Variants in A2ML1 observed in about 807,000 individuals in gnomAD.
A2ML1 encodes alpha-2-macroglobulin-like protein 1.
In A2ML1, 161 loss-of-function variants were observed where a neutral mutation model predicts 181.9. The observed-to-expected ratio is 0.89, with a 90% CI of 0.78 to 1.01. A2ML1 has a LOEUF of 1.01. Among genes scored for constraint, A2ML1 ranks in the 50% least tolerant of loss-of-function variants. The pLI, the probability that A2ML1 is intolerant of heterozygous loss-of-function variation, is 0.00. For missense variants in A2ML1, 1,670 were observed against 1,768.1 expected, an observed-to-expected ratio of 0.94 and a Z score of 1.00; for synonymous variants, 663 against 666.8, an observed-to-expected ratio of 0.99 and a Z score of 0.09.
chr12:8,881,340 G>A (rs1347431086), downstream of A2ML1, among the ~76,000 whole-genome samples: 1 of 152,214 alleles, frequency 6.6e-6, no homozygotes, highest in Non-Finnish European at 1.5e-5. Flanking sequence ...ACAAGACCAA[G>A]GAAGTGAGAT....
intron 26 of A2ML1, chr12:8,858,386 C>T (rs2136919813): frequency 7.3e-6 from 2 of 272,518 alleles, no homozygotes; most frequent in Admixed American, 9.3e-5. Flanking sequence ...AGTTTGAGAC[C>T]ACCCTGGGCA....
chr12:8,850,168 GGTCATCCAGAGGCTTTTGA>G lies in A2ML1; in HGVS notation c.2135_2153del (p.Pro712GlnfsTer49). ...ATTCTCAATTTCATCAGCAGGCGGT[GGTCATCCAGAGGCTTTTGA>G]GTCATCAACTCCTTTACATCAAGCA... On this transcript the variant is annotated frameshift_variant, in exon 18 of 36. Coordinates refer to ENST00000299698, the MANE Select transcript of A2ML1 (RefSeq NM_144670.6). LOFTEE classifies it high-confidence loss of function. 6.2e-7 allele frequency: 1 copy of G among 1,604,418 alleles called. No individual in the cohort carries two copies.
Position 8,822,990 on chromosome 12 carries a change from T to C in A2ML1, c.63-192T>C, listed in dbSNP as rs150275543. Among the ~76,000 whole-genome samples, 21 of 152,310 alleles carry C rather than the reference T, an allele frequency of 1.4e-4. No homozygotes were observed. In the East Asian group the frequency reaches 3.1e-3, roughly 22 times the overall value. On this transcript the variant is annotated intron_variant, in intron 1 of 35. Coordinates refer to ENST00000299698, the MANE Select transcript of A2ML1 (RefSeq NM_144670.6). ...TAGGCATGTGTGCTCGGTGAGGGCC[T>C]CCTGATGGCGGAAGTTGAAGACTGT...
intron 3 of A2ML1, 120 bp downstream of exon 3, chr12:8,824,002 A>G (rs914415832): frequency 1.7e-6 from 2 of 1,167,706 alleles, no homozygotes; most frequent in Non-Finnish European, 2.3e-6. Flanking sequence ...GAGGAGAGGA[A>G]AATCTGGGGG....
At chr12:8,834,816 C>T (rs1217164702) in intron 5 of A2ML1, 134 bp downstream of exon 5, 5 of 1,004,030 alleles carry the variant, frequency 5.0e-6, no homozygotes, top group African/African-American at 3.3e-5. Context: ...GCACCGAGCG[C>T]CCACATCCAC....
chr12:8,823,906 C>T (rs375095251), intron 3 of A2ML1, 24 bp downstream of exon 3: 45 of 1,594,486 alleles, frequency 2.8e-5, no homozygotes, highest in African/African-American at 1.7e-4. Context: ...ATTTGGGGTT[C>T]GACTAAAACC....
At chr12:8,885,994 A>G (rs943272347) in intron 7 of A2ML1, among the ~76,000 whole-genome samples, 2 of 141,426 alleles carry the variant, frequency 1.4e-5, no homozygotes, top group African/African-American at 5.4e-5. Flanking sequence ...TACTTCGCCT[A>G]TCCTTCAACA....
intron 26 of A2ML1, among the ~76,000 whole-genome samples, chr12:8,859,294 A>T (rs1592145092): frequency 1.4e-5 from 2 of 140,848 alleles, no homozygotes; most frequent in South Asian, 4.2e-4. Context: ...CTTGAGTGTT[A>T]AAAAAAAAAT....
At chr12:8,829,884 C>A in intron 4 of A2ML1, 105 bp downstream of exon 4, 1 of 1,436,720 alleles carries the variant, frequency 7.0e-7, no homozygotes, top group Non-Finnish European at 9.7e-7. Context: ...AAGGCGAGGC[C>A]CTCTGGGTTG....
chr12:8,835,522 A>C lies in A2ML1; in HGVS notation c.499A>C (p.Arg167=), dbSNP rs1172160959. The change falls in exon 6 of 36, where the codon AGG becomes CGG. Residue 167 remains arginine (R), a synonymous_variant. Coordinates refer to ENST00000299698, the MANE Select transcript of A2ML1 (RefSeq NM_144670.6). ...TATTGGACAGGATCCAAATAGCAACAGGATTGCACAGTGGCTGGAAGTGGT... is the reference window on the plus strand; with the variant it reads ...TATTGGACAGGATCCAAATAGCAACCGGATTGCACAGTGGCTGGAAGTGGT... ...MVELQDPNSN[R]IAQWLEVVPE... 1 of 1,614,006 alleles carries C rather than the reference A, an allele frequency of 6.2e-7. No individual in the cohort carries two copies. Among genetic ancestry groups the C allele is most frequent in the Admixed American group, 1.7e-5 (1 of 59,994 alleles).
Position 8,857,253 on chromosome 12 carries a change from C to G in A2ML1, c.2938C>G (p.Pro980Ala). ...CGEQNMVLFA[P>A]IIYVLQYLEK... The stretch of plus-strand genomic sequence containing the variant: ...CGAGCAGAACATGGTCTTGTTTGCT[C>G]CCATCATCTATGTCTTGCAGTACCT... The change falls in exon 24 of 36, where the codon CCC becomes GCC. Residue 980 changes from proline (P) to alanine (A), a missense_variant. Coordinates refer to ENST00000299698, the MANE Select transcript of A2ML1 (RefSeq NM_144670.6). 6.2e-7 allele frequency: 1 copy of G among 1,613,532 alleles called. No homozygotes were observed. Among genetic ancestry groups the G allele is most frequent in the Non-Finnish European group, 8.5e-7 (1 of 1,179,992 alleles).
At position 8,867,884 on chromosome 12, in the gene A2ML1, A is replaced by G; in HGVS notation, c.3760A>G (p.Thr1254Ala). ...CCAAGCTCTTGCCAAATATGCCACT[A>G]CCGCCTACATGCCATCTGAGGAGAT... ...ALQALAKYAT[T>A]AYMPSEEINL... The change falls in exon 30 of 36, where the codon ACC becomes GCC. Residue 1254 changes from threonine (T) to alanine (A), a missense_variant. By Grantham distance (58) the Thr-to-Ala change is moderately conservative. Transcript: ENST00000299698. 1 of 1,614,202 alleles carries G rather than the reference A, an allele frequency of 6.2e-7. No individual in the cohort carries two copies. Among genetic ancestry groups the G allele is most frequent in the East Asian group, 2.2e-5 (1 of 44,884 alleles).
rs1944040486 is a variant in A2ML1, at chr12:8,855,668, A to G, written c.2848+76A>G. 6 of 1,361,046 alleles carry G rather than the reference A, an allele frequency of 4.4e-6. No individual in the cohort carries two copies. The African/African-American group carries it at 7.2e-5, about 16-fold the overall frequency. 84.3% of individuals were successfully genotyped at this position (1,361,046 alleles called of 1,614,324 possible). On this transcript the variant is annotated intron_variant, in intron 23 of 35. Transcript: ENST00000299698. The stretch of plus-strand genomic sequence containing the variant: ...GCAAAGGTGTGGAGTGGGGCGGGAC[A>G]TACGGACCTATCCGGAGAGTGTAAC...
chr12:8,866,204 C>A (rs71447540), intron 29 of A2ML1, among the ~76,000 whole-genome samples: 34,041 of 146,636 alleles, frequency 0.23, 4,198 homozygotes, highest in Middle Eastern at 0.36. Flanking sequence ...ACTCGGGAGG[C>A]TGAGGCAGGA....
In A2ML1 at chr12:8,861,276, G is replaced by A; in HGVS notation, c.3481G>A (p.Asp1161Asn). 6.2e-7 allele frequency: 1 copy of A among 1,614,036 alleles called. No homozygotes were observed. Among genetic ancestry groups the A allele is most frequent in the Middle Eastern group, 1.7e-4 (1 of 6,056 alleles). Reference sequence around the variant, plus strand: ...CAGAAACATTCTCCTTAAACAGTTAGATCAACAGGCTATCATCTCAGGTAT... The same window carrying A: ...CAGAAACATTCTCCTTAAACAGTTAAATCAACAGGCTATCATCTCAGGTAT... ...DIRNILLKQL[D>N]QQAIISGESI... Residue 1161 changes from aspartate to asparagine, a missense_variant, in exon 28 of 36, where the codon GAT becomes AAT. Physicochemically the swap from Asp to Asn is conservative, Grantham distance 23. Transcript: ENST00000299698.
chr12:8,838,238 A>G (rs990511406), intron 8 of A2ML1, 98 bp from the exon 9 acceptor site: 5 of 757,830 alleles, frequency 6.6e-6, no homozygotes, highest in Non-Finnish European at 1.1e-5. Context: ...TGAAGTGTGG[A>G]GATGAGAAAT....
chr12:8,836,870 T>C (rs1943297927), intron 7 of A2ML1, among the ~76,000 whole-genome samples: 1 of 152,142 alleles, frequency 6.6e-6, no homozygotes, highest in African/African-American at 2.4e-5. Context: ...CAAGACACAA[T>C]ATTGAATCCC....
chr12:8,874,368 A>T lies in A2ML1; in HGVS notation c.4222-57A>T, dbSNP rs977369753. 7.4e-6 allele frequency: 10 copies of T among 1,350,244 alleles called. No individual in the cohort carries two copies. In the African/African-American group the frequency reaches 1.4e-4, roughly 19 times the overall value. 83.6% of individuals were successfully genotyped at this position (1,350,244 alleles called of 1,614,324 possible). ...GCAAGGGTCTTTTATTCCACATTGC[A>T]TACAGTGTAATTTTCATTTTACTTC... On this transcript the variant is annotated intron_variant, in intron 33 of 35. Coordinates refer to ENST00000299698, the MANE Select transcript of A2ML1 (RefSeq NM_144670.6).
chr12:8,832,201 G>A (rs1285467569), intron 4 of A2ML1, among the ~76,000 whole-genome samples: 3 of 152,126 alleles, frequency 2.0e-5, no homozygotes, highest in Non-Finnish European at 4.4e-5. Flanking sequence ...AACTGGTTGA[G>A]CCAGATTACT....
Sources: gnomAD v4.1 joint callset for allele counts (sites outside exome capture counted in the v4.1 genomes callset) on GRCh38, gnomAD v4.1.1 for gene constraint, MANE v1.5 for transcripts, NCBI Gene and HGNC (gene_info 2026-07-23, HGNC 2026-07-21) for gene names.